FYTTD1: variants seen among roughly 807,000 people sequenced by gnomAD.
The protein encoded by FYTTD1 is forty-two-three domain containing 1, also known as UAP56-interacting factor.
FYTTD1 carries 22 observed loss-of-function variants against 40.9 expected under a neutral mutation model. The observed-to-expected ratio is 0.54, with a 90% CI of 0.38 to 0.77. The LOEUF (loss-of-function observed/expected upper bound fraction) is 0.77, where lower values mean the gene tolerates loss of function less well. Among genes scored for constraint, FYTTD1 ranks in the 30% least tolerant of loss-of-function variants. The probability of loss-of-function intolerance (pLI) is 0.00; values close to 1 mark genes in which losing one functional copy is unlikely to be tolerated. For synonymous variants in FYTTD1, 140 were observed against 137.9 expected, an observed-to-expected ratio of 1.01 and a Z score of -0.10; for missense variants, 351 against 392.2, an observed-to-expected ratio of 0.90 and a Z score of 0.89.
intron 2 of FYTTD1, among the ~76,000 whole-genome samples, chr3:197,758,152 C>T (rs1422579928): frequency 2.6e-5 from 4 of 151,502 alleles, no homozygotes; most frequent in African/African-American, 9.7e-5. Context: ...ATCCACCTGC[C>T]TCGGCCTCCT....
chr3:197,754,062 A>G (rs1729144827), intron 1 of FYTTD1, among the ~76,000 whole-genome samples: 1 of 151,790 alleles, frequency 6.6e-6, no homozygotes, highest in East Asian at 1.9e-4. Context: ...TTTAAGATGA[A>G]CTTTGTTAGT....
chr3:197,753,655 G>C (rs1297631898), intron 1 of FYTTD1, among the ~76,000 whole-genome samples: 1 of 151,844 alleles, frequency 6.6e-6, no homozygotes, highest in Non-Finnish European at 1.5e-5. Context: ...TGAAGATATA[G>C]GTAGTAAAAT....
At chr3:197,779,591 C>T (rs1729967599) in intron 8 of FYTTD1, among the ~76,000 whole-genome samples, 1 of 129,330 alleles carries the variant, frequency 7.7e-6, no homozygotes, top group Non-Finnish European at 1.5e-5. Flanking sequence ...AATGCAGTGG[C>T]ATAATCATAG....
intron 2 of FYTTD1, among the ~76,000 whole-genome samples, chr3:197,758,973 G>GAAAC (rs1729286547): frequency 6.6e-6 from 1 of 152,224 alleles, no homozygotes; most frequent in Admixed American, 6.5e-5. Flanking sequence ...AATACTTGGA[G>GAAAC]AAACAACCCA....
rs1001001059 is a variant in FYTTD1, at chr3:197,786,623, A to G, written c.*4714A>G. ...AATGAGAAAAGAATCATATTGTCTG[A>G]ATTTTCCTGTATAAAGTTTAAAAAA... On this transcript the variant is annotated 3_prime_UTR_variant, in exon 9 of 9. Transcript: ENST00000241502. The G allele has an allele frequency of 1.3e-5, 2 of 152,110 alleles. No individual in the cohort carries two copies. The highest frequency in any genetic ancestry group is 2.9e-5 in the Non-Finnish European group (2 of 68,002). 9.4% of individuals were successfully genotyped at this position (152,110 alleles called of 1,614,324 possible). A position where few individuals can be genotyped will look rare whatever the true frequency, so the allele number is the denominator to read the frequency against.
chr3:197,773,502 A>G lies in FYTTD1; in HGVS notation c.594+3A>G. 6.5e-7 allele frequency: 1 copy of G among 1,533,110 alleles called. No homozygotes were observed. Among genetic ancestry groups the G allele is most frequent in the Non-Finnish European group, 8.9e-7 (1 of 1,120,600 alleles). 95.0% of individuals were successfully genotyped at this position (1,533,110 alleles called of 1,614,324 possible). A position where few individuals can be genotyped will look rare whatever the true frequency, so the allele number is the denominator to read the frequency against. On this transcript the variant is annotated splice_donor_region_variant and intron_variant, in intron 5 of 8. Transcript: ENST00000241502. ...TTCTTTTCAGAAGAGGCCTGAAGGT[A>G]TTTAAAAACTTTGGCAGTGTTTTTG...
At chr3:197,772,718 C>T (rs1729754833) in intron 4 of FYTTD1, among the ~76,000 whole-genome samples, 1 of 152,200 alleles carries the variant, frequency 6.6e-6, no homozygotes. Flanking sequence ...AAGCAATTCT[C>T]ATGCTTCAGC....
At position 197,766,648 on chromosome 3, in the gene FYTTD1, G is replaced by A. The variant is rs537853085; in HGVS notation, c.236-1791G>A. On this transcript the variant is annotated intron_variant, in intron 2 of 8. Transcript: ENST00000241502. The stretch of plus-strand genomic sequence containing the variant: ...TCTAGAGATGGGGTGTCGCCATGTT[G>A]CCCAGGCTGGTCTCGAACTCCTGGG... 2.1e-4 allele frequency among the ~76,000 whole-genome samples: 32 copies of A among 152,062 alleles called. No individual in the cohort carries two copies. The East Asian group carries it at 6.0e-3, about 29-fold the overall frequency.
intron 1 of FYTTD1, among the ~76,000 whole-genome samples, chr3:197,754,328 C>T (rs985100819): frequency 2.0e-5 from 3 of 151,946 alleles, no homozygotes; most frequent in Admixed American, 6.6e-5. Context: ...TGAACTTTTT[C>T]GTAGTTGGAC....
rs775759906 is a variant in FYTTD1, at chr3:197,749,935, C to G, written c.-37C>G. 74 of 1,448,092 alleles carry G rather than the reference C, an allele frequency of 5.1e-5. 2 individuals are homozygous for G. The South Asian group carries it at 7.3e-4, about 14-fold the overall frequency. The allele number at this position is 1,448,092 out of a possible 1,614,324, so 89.7% of individuals were successfully genotyped here. On this transcript the variant is annotated 5_prime_UTR_variant, in exon 1 of 9. Transcript: ENST00000241502. The stretch of plus-strand genomic sequence containing the variant: ...GAGGTGGCAGGCCTGCGACTCCGGC[C>G]TTGTCCGCGCCCGCTCTCGGCGCGA...
intron 1 of FYTTD1, chr3:197,750,803 G>C (rs913090343): frequency 2.9e-5 from 29 of 985,392 alleles, no homozygotes; most frequent in Non-Finnish European, 3.4e-5. Flanking sequence ...GATGATTGCT[G>C]TGGCTCGCTG....
chr3:197,780,285 G>A (rs1729995287), intron 8 of FYTTD1, among the ~76,000 whole-genome samples: 1 of 152,188 alleles, frequency 6.6e-6, no homozygotes, highest in African/African-American at 2.4e-5. Flanking sequence ...GCCCAGGCTG[G>A]TCTTGAACTC....
intron 2 of FYTTD1, among the ~76,000 whole-genome samples, chr3:197,758,734 C>G (rs1415806103): frequency 6.6e-6 from 1 of 152,120 alleles, no homozygotes; most frequent in African/African-American, 2.4e-5. Context: ...AGAACAGCTG[C>G]CACTGTTACT....
At chr3:197,759,571 T>A (rs1729310841) in intron 2 of FYTTD1, among the ~76,000 whole-genome samples, 1 of 152,148 alleles carries the variant, frequency 6.6e-6, no homozygotes, top group Non-Finnish European at 1.5e-5. Flanking sequence ...TATAGAGTGT[T>A]CTTCAGTGGT....
At chr3:197,776,258 C>G (rs1055505419) in intron 6 of FYTTD1, among the ~76,000 whole-genome samples, 2 of 147,628 alleles carry the variant, frequency 1.4e-5, no homozygotes, top group East Asian at 3.9e-4. Flanking sequence ...CAGGCTGGAG[C>G]GCAGTGGCAC....
At chr3:197,756,632 T>A (rs968276878) in intron 2 of FYTTD1, 75 bp downstream of exon 2, 1 of 1,303,604 alleles carries the variant, frequency 7.7e-7, no homozygotes, top group Non-Finnish European at 1.1e-6. Context: ...AGCATATGCT[T>A]AACGTGGAGG....
intron 6 of FYTTD1, 73 bp downstream of exon 6, chr3:197,774,283 C>G: frequency 8.2e-7 from 1 of 1,225,972 alleles, no homozygotes; most frequent in Non-Finnish European, 1.2e-6. Context: ...TTATCATGTA[C>G]CTCAGTCCAG....
chr3:197,761,414 T>C (rs1234890333), intron 2 of FYTTD1, among the ~76,000 whole-genome samples: 1 of 152,022 alleles, frequency 6.6e-6, no homozygotes, highest in Non-Finnish European at 1.5e-5. Context: ...AGTGGTAGAA[T>C]GTATAGAGTT....
intron 6 of FYTTD1, among the ~76,000 whole-genome samples, chr3:197,774,698 G>A (rs779595731): frequency 8.7e-5 from 13 of 149,558 alleles, no homozygotes; most frequent in South Asian, 6.4e-4. Flanking sequence ...AGCATAGCTC[G>A]ATCGCCAGTG....
Sources: gnomAD v4.1 joint callset for allele counts (sites outside exome capture counted in the v4.1 genomes callset) on GRCh38, gnomAD v4.1.1 for gene constraint, MANE v1.5 for transcripts, NCBI Gene and HGNC (gene_info 2026-07-23, HGNC 2026-07-21) for gene names.